EFEMP1: variants seen among roughly 807,000 people sequenced by gnomAD.
The protein encoded by EFEMP1 is EGF-containing fibulin-like extracellular matrix protein 1.
EFEMP1 carries 18 observed loss-of-function variants against 65.7 expected under a neutral mutation model. The observed-to-expected ratio is 0.27, with a 90% confidence interval of 0.19 to 0.41. The LOEUF (loss-of-function observed/expected upper bound fraction) is 0.41. Among genes scored for constraint, EFEMP1 ranks in the 10% least tolerant of loss-of-function variants. The probability of loss-of-function intolerance (pLI) is 1.00; values close to 1 mark genes in which losing one functional copy is unlikely to be tolerated. For missense variants in EFEMP1, 469 were observed against 624.8 expected, an observed-to-expected ratio of 0.75 and a Z score of 2.66; for synonymous variants, 237 against 219.7, an observed-to-expected ratio of 1.08 and a Z score of -0.70.
At position 55,871,004 on chromosome 2, in the gene EFEMP1, C is replaced by G. The variant is rs774225644; in HGVS notation, c.1120G>C (p.Glu374Gln). 15 of 1,613,720 alleles carry G rather than the reference C, an allele frequency of 9.3e-6. No individual in the cohort carries two copies. Among genetic ancestry groups the G allele is most frequent in the Non-Finnish European group, 1.3e-5 (15 of 1,179,792 alleles). ...AAAAGTTCTGATTTTTCTTACTTCT[C>G]TGGTGTTAGAATGTAGGGATCTTGA... ...PCQDPYILTP[E>Q]NRCVCPVSNA... Residue 374 changes from glutamate to glutamine, a missense_variant, in exon 10 of 12, where the codon GAG becomes CAG. Around this residue, in one of 3 missense-constraint regions of EFEMP1, gnomAD observed 399 missense variants for 528.2 expected, o/e 0.76. Coordinates refer to ENST00000355426, the MANE Select transcript of EFEMP1 (RefSeq NM_001039348.3). The surrounding 1 kb of genome is among the most constrained non-coding windows in gnomAD (Gnocchi z 4.2).
chr2:55,893,908 G>T (rs1001971938), intron 5 of EFEMP1, among the ~76,000 whole-genome samples: 1 of 152,074 alleles, frequency 6.6e-6, no homozygotes, highest in Non-Finnish European at 1.5e-5. Context: ...CCCTCCTTTG[G>T]CATATTCCAG....
At chr2:55,875,315 A>G in intron 8 of EFEMP1, among the ~76,000 whole-genome samples, 1 of 138,072 alleles carries the variant, frequency 7.2e-6, no homozygotes, top group African/African-American at 3.1e-5. Flanking sequence ...ACATTTCTTA[A>G]GTTGCCTGGG....
intron 9 of EFEMP1, among the ~76,000 whole-genome samples, chr2:55,874,708 AT>A (rs1326827619): frequency 4.6e-5 from 7 of 152,082 alleles, no homozygotes; most frequent in African/African-American, 1.4e-4. Context: ...GTTACATAGA[AT>A]ACATATCAAT....
At chr2:55,918,162 C>T (rs1258695541) in intron 4 of EFEMP1, 57 bp downstream of exon 4, 3 of 1,612,710 alleles carry the variant, frequency 1.9e-6, no homozygotes, top group Non-Finnish European at 2.5e-6. Flanking sequence ...GGAAGAGTGA[C>T]ACAAGAGATG....
intron 6 of EFEMP1, among the ~76,000 whole-genome samples, chr2:55,879,972 G>C (rs915239182): frequency 6.6e-6 from 1 of 152,206 alleles, no homozygotes; most frequent in Non-Finnish European, 1.5e-5. Flanking sequence ...AGGCTTCCCA[G>C]AGGAAGTGAT....
chr2:55,918,396 G>A (rs1670789221), intron 3 of EFEMP1, 129 bp from the exon 4 acceptor site: 2 of 1,090,762 alleles, frequency 1.8e-6, no homozygotes, highest in African/African-American at 3.1e-5. Flanking sequence ...TATATGATGA[G>A]ATGGGTGGTT....
At chr2:55,875,130 ATATATATATATAAAT>A (rs974815367) in intron 8 of EFEMP1, 65 bp from the exon 9 acceptor site, 12 of 653,576 alleles carry the variant, frequency 1.8e-5, no homozygotes, top group Non-Finnish European at 2.3e-5. Context: ...CTTTGGATAT[ATATATATATATAAAT>A]TATATATATA....
At chr2:55,890,823 C>T (rs1382906135) in intron 5 of EFEMP1, among the ~76,000 whole-genome samples, 1 of 152,064 alleles carries the variant, frequency 6.6e-6, no homozygotes, top group Non-Finnish European at 1.5e-5. Context: ...CCTACCCTAC[C>T]TCCTCATATC....
rs533628546 is a variant in EFEMP1 at position 55,867,219 on chromosome 2, T to G, written c.1336A>C (p.Ser446Arg). The G allele has an allele frequency of 6.2e-7, 1 of 1,613,876 alleles. No individual in the cohort carries two copies. The highest frequency in any genetic ancestry group is 1.3e-5 in the African/African-American group (1 of 75,038). Residue 446 changes from serine to arginine, a missense_variant, in exon 12 of 12, where the codon AGT (serine) becomes CGT (arginine). Physicochemically the swap from Ser to Arg is moderately radical, Grantham distance 110 (BLOSUM62 -1). Coordinates refer to ENST00000355426, the MANE Select transcript of EFEMP1 (RefSeq NM_001039348.3). This position sits in a 1 kb window ranked among gnomAD's most constrained non-coding sequence, Gnocchi z 4.3. ...EFYLRQTSPV[S>R]AMLVLVKSLS... ...GACTTCACGAGCACAAGCATTGCAC[T>G]TACAGGACTTGTTTGCTAAAATAAA...
chr2:55,872,071 A>T (rs1269991335), intron 9 of EFEMP1, among the ~76,000 whole-genome samples: 1 of 143,298 alleles, frequency 7.0e-6, no homozygotes, highest in Non-Finnish European at 1.5e-5. Flanking sequence ...TACATTTATA[A>T]CAACAACAAC....
chr2:55,918,964 G>T (rs1670812266), intron 3 of EFEMP1, among the ~76,000 whole-genome samples: 1 of 152,202 alleles, frequency 6.6e-6, no homozygotes, highest in Non-Finnish European at 1.5e-5. Flanking sequence ...TAGACAAGTT[G>T]CAGCAAGATG....
At position 55,870,834 on chromosome 2, in the gene EFEMP1, A is replaced by C; in HGVS notation, c.1206T>G (p.Ser402=). 6.2e-7 allele frequency: 1 copy of C among 1,613,830 alleles called. No individual in the cohort carries two copies. The highest frequency in any genetic ancestry group is 8.5e-7 in the Non-Finnish European group (1 of 1,179,848). Residue 402 remains serine, a synonymous_variant, in exon 11 of 12, where the codon TCT becomes TCG. Coordinates refer to ENST00000355426, the MANE Select transcript of EFEMP1 (RefSeq NM_001039348.3). The surrounding 1 kb of genome is among the most constrained non-coding windows in gnomAD (Gnocchi z 5.8). ...AGATGTCTGATGGCACAGACCTATC[A>C]GATCGGATGCTCATGTATTTGTAGA... ...SIVYKYMSIR[S]DRSVPSDIFQ...
At position 55,876,615 on chromosome 2, in the gene EFEMP1, A is replaced by G. The variant is rs370306621; in HGVS notation, c.880+8T>C. On this transcript the variant is annotated splice_region_variant and intron_variant, in intron 8 of 11. Coordinates refer to ENST00000355426, the MANE Select transcript of EFEMP1 (RefSeq NM_001039348.3). ...ACTTTATTCCATACTATCTGGGAAGAGTTTTACCTTCACAGTTGAGCCTGT... is the reference window on the plus strand; with the variant it reads ...ACTTTATTCCATACTATCTGGGAAGGGTTTTACCTTCACAGTTGAGCCTGT... 2 of 1,611,818 alleles carry G rather than the reference A, an allele frequency of 1.2e-6. No homozygotes were observed. Among genetic ancestry groups the G allele is most frequent in the African/African-American group, 1.3e-5 (1 of 74,796 alleles).
At position 55,923,547 on chromosome 2, in the gene EFEMP1, C is replaced by G. The variant is rs1004458227; in HGVS notation, c.-49+164G>C. ...TCGCACTTGCTGACAGATCGCATTCCGAGGCTGCACACCTCCACCTCCCTC... is the reference window on the plus strand; with the variant it reads ...TCGCACTTGCTGACAGATCGCATTCGGAGGCTGCACACCTCCACCTCCCTC... On this transcript the variant is annotated intron_variant, in intron 1 of 11. Coordinates refer to ENST00000355426, the MANE Select transcript of EFEMP1 (RefSeq NM_001039348.3). This position sits in a 1 kb window ranked among gnomAD's most constrained non-coding sequence, Gnocchi z 5.3. Among the ~76,000 whole-genome samples, 1 of 152,162 alleles carries G rather than the reference C, an allele frequency of 6.6e-6. No homozygotes were observed. The highest frequency in any genetic ancestry group is 2.4e-5 in the African/African-American group (1 of 41,456).
intron 6 of EFEMP1, among the ~76,000 whole-genome samples, chr2:55,879,647 T>A (rs1182753117): frequency 6.6e-6 from 1 of 152,106 alleles, no homozygotes; most frequent in Non-Finnish European, 1.5e-5. Flanking sequence ...AAACAAATTA[T>A]TCCATGGAAT....
intron 5 of EFEMP1, among the ~76,000 whole-genome samples, chr2:55,909,858 C>A (rs544346592): frequency 6.6e-6 from 1 of 152,230 alleles, no homozygotes; most frequent in African/African-American, 2.4e-5. Flanking sequence ...ACAATTATTA[C>A]AAATTCCCTA....
chr2:55,904,852 C>T (rs1171665493), intron 5 of EFEMP1, among the ~76,000 whole-genome samples: 7 of 152,052 alleles, frequency 4.6e-5, no homozygotes, highest in African/African-American at 1.7e-4. Context: ...CTCTCTCCCT[C>T]TTTTTCTCTG....
intron 5 of EFEMP1, among the ~76,000 whole-genome samples, chr2:55,893,680 G>T (rs1669714762): frequency 6.6e-6 from 1 of 152,210 alleles, no homozygotes; most frequent in Non-Finnish European, 1.5e-5. Flanking sequence ...TTAACAGTGT[G>T]AAGACTTAAA....
rs1442597378 is a variant in EFEMP1 at position 55,873,139 on chromosome 2, T to A, written c.1000+1807A>T. On this transcript the variant is annotated intron_variant, in intron 9 of 11. Transcript: ENST00000355426. The surrounding 1 kb of genome is among the most constrained non-coding windows in gnomAD (Gnocchi z 4.6). ...TATAGGCCTGTGAAATGAGAACAGT[T>A]ATTTCATCCACAAAATAAGTCTTTT... 6.6e-6 allele frequency among the ~76,000 whole-genome samples: 1 copy of A among 151,210 alleles called. No individual in the cohort carries two copies. The highest frequency in any genetic ancestry group is 2.4e-5 in the African/African-American group (1 of 41,012).
Sources: allele counts gnomAD v4.1 joint callset (sites outside exome capture counted in the v4.1 genomes callset), GRCh38; gene constraint gnomAD v4.1.1; regional missense constraint gnomAD v4.1.1; non-coding constraint Gnocchi (gnomAD v3.1); transcripts MANE v1.5; gene names NCBI Gene and HGNC (gene_info 2026-07-23, HGNC 2026-07-21).